The following ARK2N variants were observed in gnomAD, a reference collection of about 807,000 sequenced individuals.
ARK2N encodes arkadia (RNF111) N-terminal like PKA signaling regulator 2N, also known as protein ARK2N.
At chr18:46,210,977 G>C in the ARK2N span, among the ~76,000 whole-genome samples, 1 of 151,912 alleles carries the variant, frequency 6.6e-6, no homozygotes, top group Non-Finnish European at 1.5e-5. Context: ...ATTAAATCCT[G>C]AGATTTGGTA....
At chr18:46,205,128 G>A in the ARK2N span, among the ~76,000 whole-genome samples, 1 of 151,542 alleles carries the variant, frequency 6.6e-6, no homozygotes, top group Non-Finnish European at 1.5e-5. Flanking sequence ...TGCTGGTCTC[G>A]AACTCCTGAG....
At chr18:46,212,483 G>A in the ARK2N span, among the ~76,000 whole-genome samples, 99 of 151,926 alleles carry the variant, frequency 6.5e-4, no homozygotes, top group Non-Finnish European at 1.2e-3. Context: ...TTAAAATTGC[G>A]TGAGAACTGT....
At chr18:46,222,739 C>T in the ARK2N span, among the ~76,000 whole-genome samples, 2 of 152,072 alleles carry the variant, frequency 1.3e-5, no homozygotes, top group Non-Finnish European at 2.9e-5. Context: ...GTTTTAAGTT[C>T]GTAGCAAAAT....
chr18:46,248,472 G>T, the ARK2N span, among the ~76,000 whole-genome samples: 1 of 152,168 alleles, frequency 6.6e-6, no homozygotes, highest in Non-Finnish European at 1.5e-5. Context: ...GTAGCTAAGA[G>T]GGTGAAAGTA....
the ARK2N span, among the ~76,000 whole-genome samples, chr18:46,256,504 C>T: frequency 1.3e-5 from 2 of 152,156 alleles, no homozygotes; most frequent in African/African-American, 4.8e-5. Context: ...GTTCTCCCCA[C>T]CCCTAACACA....
At chr18:46,192,489 A>G in the ARK2N span, among the ~76,000 whole-genome samples, 144 of 152,092 alleles carry the variant, frequency 9.5e-4, no homozygotes, top group African/African-American at 3.2e-3. Context: ...AGGCAGAAGA[A>G]TTGCTTGAAC....
chr18:46,243,483 G>A, the ARK2N span, among the ~76,000 whole-genome samples: 1 of 152,038 alleles, frequency 6.6e-6, no homozygotes, highest in Non-Finnish European at 1.5e-5. Context: ...GATAGAGTAG[G>A]TTGCCTTTTT....
At chr18:46,207,415 A>C in the ARK2N span, among the ~76,000 whole-genome samples, 8 of 111,938 alleles carry the variant, frequency 7.1e-5, no homozygotes, top group Admixed American at 5.7e-4. Context: ...TTTGAGATGG[A>C]GTCTAGCTGT....
chr18:46,216,464 G>A, the ARK2N span: 1 of 1,614,158 alleles, frequency 6.2e-7, no homozygotes, highest in Middle Eastern at 1.6e-4. This position sits in a 1 kb window ranked among gnomAD's most constrained non-coding sequence, Gnocchi z 4.3. Context: ...GCTGCTGCAA[G>A]GAAGAAATAT....
chr18:46,253,085 C>T, the ARK2N span, among the ~76,000 whole-genome samples: 3 of 152,194 alleles, frequency 2.0e-5, no homozygotes, highest in East Asian at 5.8e-4. Context: ...GATTTACCTC[C>T]AGCCTTCCTT....
chr18:46,247,535 C>A, the ARK2N span, among the ~76,000 whole-genome samples: 4 of 152,162 alleles, frequency 2.6e-5, no homozygotes, highest in Non-Finnish European at 4.4e-5. Flanking sequence ...AGTGATCCTG[C>A]CTGTCTACAC....
At chr18:46,244,759 G>T in the ARK2N span, among the ~76,000 whole-genome samples, 1 of 151,652 alleles carries the variant, frequency 6.6e-6, no homozygotes, top group Non-Finnish European at 1.5e-5. Flanking sequence ...GTGCCACTGC[G>T]CCTGGCTAAT....
At chr18:46,177,431 CTTTTT>C in the ARK2N span, among the ~76,000 whole-genome samples, 2 of 89,324 alleles carry the variant, frequency 2.2e-5, no homozygotes, top group Non-Finnish European at 2.3e-5. Context: ...TTTTTCTTTA[CTTTTT>C]TTTTTTTTTT....
At chr18:46,216,207 G>A in the ARK2N span, 1 of 1,613,900 alleles carries the variant, frequency 6.2e-7, no homozygotes, top group Non-Finnish European at 8.5e-7. This position sits in a 1 kb window ranked among gnomAD's most constrained non-coding sequence, Gnocchi z 4.3. Context: ...CAGATACGTT[G>A]TCTTCCGCAG....
At chr18:46,216,457 G>A in the ARK2N span, 3 of 1,614,156 alleles carry the variant, frequency 1.9e-6, no homozygotes, top group African/African-American at 4.0e-5. This position sits in a 1 kb window ranked among gnomAD's most constrained non-coding sequence, Gnocchi z 4.3. Context: ...ACGGGAGGCT[G>A]CTGCAAGGAA....
At chr18:46,178,345 C>T in the ARK2N span, among the ~76,000 whole-genome samples, 1 of 152,230 alleles carries the variant, frequency 6.6e-6, no homozygotes, top group Non-Finnish European at 1.5e-5. Flanking sequence ...CAGAGTCTCA[C>T]TGCGATGCCC....
chr18:46,205,523 A>T, the ARK2N span, among the ~76,000 whole-genome samples: 2 of 152,188 alleles, frequency 1.3e-5, no homozygotes, highest in Non-Finnish European at 2.9e-5. Context: ...TCCCTCCAAA[A>T]ATAATTCCTT....
the ARK2N span, among the ~76,000 whole-genome samples, chr18:46,192,344 T>C: frequency 6.6e-6 from 1 of 151,792 alleles, no homozygotes; most frequent in Non-Finnish European, 1.5e-5. Context: ...GAGGCTAAGG[T>C]GGGCAGATCA....
At chr18:46,221,005 A>G in the ARK2N span, among the ~76,000 whole-genome samples, 2 of 151,966 alleles carry the variant, frequency 1.3e-5, no homozygotes, top group African/African-American at 4.8e-5. Context: ...GTGTAGCAGC[A>G]TGTACCAGTA....
Sources: allele counts gnomAD v4.1 joint callset (sites outside exome capture counted in the v4.1 genomes callset), GRCh38; gene constraint gnomAD v4.1.1; non-coding constraint Gnocchi (gnomAD v3.1); transcripts MANE v1.5; gene names NCBI Gene and HGNC (gene_info 2026-07-23, HGNC 2026-07-21).